Variants in NTRK2 observed in about 807,000 individuals in gnomAD.
NTRK2 encodes the protein BDNF/NT-3 growth factors receptor.
NTRK2 carries 13 observed loss-of-function variants against 94.5 expected under a neutral mutation model. The ratio of observed to expected loss-of-function variants is 0.14; its 90% confidence interval spans 0.09 to 0.22. The LOEUF is 0.22. Ranked by LOEUF, NTRK2 falls within the 10% of genes least tolerant of loss-of-function variation. The probability of loss-of-function intolerance (pLI) is 1.00; values close to 1 mark genes in which losing one functional copy is unlikely to be tolerated. For missense variants in NTRK2, 639 were observed against 1,071.2 expected (o/e 0.60, Z 5.63); for synonymous variants, 372 against 407.4 (o/e 0.91, Z 1.05).
intron 12 of NTRK2, chr9:84,812,198 A>T (rs1386149544): frequency 9.5e-7 from 1 of 1,057,326 alleles, no homozygotes; most frequent in Non-Finnish European, 1.1e-6. Flanking sequence ...ACCAGGATCC[A>T]TTTAGGTACC....
intron 12 of NTRK2, among the ~76,000 whole-genome samples, chr9:84,821,491 T>C (rs937091870): frequency 6.6e-5 from 10 of 152,160 alleles, no homozygotes; most frequent in Admixed American, 2.6e-4. Flanking sequence ...AAACTTTCCA[T>C]GTTGTATTTT....
chr9:84,990,089 A>G lies in NTRK2; in HGVS notation c.2173-30117A>G, dbSNP rs1828862996. ...CTGCCAGGCTGGTCCTGAGGATTAAATTAGATGAAATGCTTTGGAAACTGG... is the reference window on the plus strand; with the variant it reads ...CTGCCAGGCTGGTCCTGAGGATTAAGTTAGATGAAATGCTTTGGAAACTGG... On this transcript the variant is annotated intron_variant, in intron 17 of 18. Coordinates refer to ENST00000277120, the MANE Select transcript of NTRK2 (RefSeq NM_006180.6). 2.0e-5 allele frequency among the ~76,000 whole-genome samples: 3 copies of G among 152,346 alleles called. 1 individual carries two copies. The highest frequency in any genetic ancestry group is 4.1e-4 in the South Asian group (2 of 4,826).
At chr9:84,741,658 T>C (rs1040597584) in intron 9 of NTRK2, among the ~76,000 whole-genome samples, 4 of 152,224 alleles carry the variant, frequency 2.6e-5, no homozygotes, top group African/African-American at 9.6e-5. Context: ...TTGTGATCTT[T>C]TTTTGTGATT....
intron 16 of NTRK2, among the ~76,000 whole-genome samples, chr9:84,949,200 T>C (rs1019192450): frequency 2.0e-5 from 3 of 152,068 alleles, no homozygotes. Flanking sequence ...AGTGGAAAGA[T>C]CCAAATCCAA....
intron 14 of NTRK2, among the ~76,000 whole-genome samples, chr9:84,903,632 A>G (rs1236019684): frequency 6.6e-6 from 1 of 152,076 alleles, no homozygotes; most frequent in Non-Finnish European, 1.5e-5. Flanking sequence ...CTTTCTTCTG[A>G]TGTCCAATTG....
At chr9:84,698,529 T>C (rs897879204) in intron 2 of NTRK2, among the ~76,000 whole-genome samples, 2 of 152,314 alleles carry the variant, frequency 1.3e-5, no homozygotes, top group Non-Finnish European at 2.9e-5. Flanking sequence ...CTTGAGTCCA[T>C]ATGTGAGAAC....
chr9:84,678,047 A>G (rs952920371), intron 2 of NTRK2, among the ~76,000 whole-genome samples: 3 of 152,196 alleles, frequency 2.0e-5, no homozygotes, highest in Non-Finnish European at 4.4e-5. Flanking sequence ...ACACACACAC[A>G]CATAGACACA....
At chr9:85,001,735 G>T (rs1281941312) in intron 17 of NTRK2, among the ~76,000 whole-genome samples, 3 of 152,240 alleles carry the variant, frequency 2.0e-5, no homozygotes, top group African/African-American at 7.2e-5. Context: ...AGGATCTAAG[G>T]TAGTGGGCCA....
At chr9:84,724,030 T>A (rs1193258589) in intron 7 of NTRK2, among the ~76,000 whole-genome samples, 194 bp from the exon 8 acceptor site, 2 of 152,214 alleles carry the variant, frequency 1.3e-5, no homozygotes, top group East Asian at 3.8e-4. Context: ...GTCAACCTCA[T>A]GCACTTAGCA....
chr9:84,700,121 TG>T (rs1174546657), intron 2 of NTRK2, among the ~76,000 whole-genome samples: 1 of 152,208 alleles, frequency 6.6e-6, no homozygotes, highest in African/African-American at 2.4e-5. Flanking sequence ...CAGGCTTGCC[TG>T]GAAGTCTGGA....
intron 2 of NTRK2, among the ~76,000 whole-genome samples, chr9:84,699,226 C>T (rs561384483): frequency 9.2e-5 from 14 of 152,012 alleles, no homozygotes; most frequent in Admixed American, 2.6e-4. Flanking sequence ...TTAGTTGAGA[C>T]GGGGTTTCAC....
intron 6 of NTRK2, among the ~76,000 whole-genome samples, chr9:84,719,101 A>G (rs1351832574): frequency 6.6e-6 from 1 of 152,212 alleles, no homozygotes; most frequent in East Asian, 1.9e-4. Flanking sequence ...AATCATAAAT[A>G]CCACTTTATC....
At chr9:84,965,932 TG>T (rs1825504681) in intron 17 of NTRK2, among the ~76,000 whole-genome samples, 1 of 152,150 alleles carries the variant, frequency 6.6e-6, no homozygotes, top group Non-Finnish European at 1.5e-5. Context: ...TCCAAGATAT[TG>T]TTACATCAAC....
At chr9:84,882,725 C>CGCGCGCGCGCGG (rs1554762209) in intron 14 of NTRK2, among the ~76,000 whole-genome samples, 1 of 148,562 alleles carries the variant, frequency 6.7e-6, no homozygotes, top group Non-Finnish European at 1.5e-5. Flanking sequence ...TGTGTGCGCG[C>CGCGCGCGCGCGG]GCGCGCGCAT....
Position 85,026,509 on chromosome 9 carries a change from C to A in NTRK2, c.*5072C>A, listed in dbSNP as rs1278521093. ...ATTGCTTAAAAAATGTATAAAGCAG[C>A]TGGAAATGTTTTAAATACAAGGTCT... On this transcript the variant is annotated 3_prime_UTR_variant, in exon 19 of 19. Transcript: ENST00000277120. The A allele has an allele frequency of 4.3e-6, 1 of 232,338 alleles. No individual in the cohort carries two copies. Among genetic ancestry groups the A allele is most frequent in the Non-Finnish European group, 8.5e-6 (1 of 117,620 alleles). The allele number at this position is 232,338 out of a possible 1,614,324, so 14.4% of individuals were successfully genotyped here.
chr9:84,814,119 C>T, intron 12 of NTRK2: 1 of 1,065,396 alleles, frequency 9.4e-7, no homozygotes, highest in Non-Finnish European at 1.1e-6. Context: ...ATTTCTGACC[C>T]ACTAGGTTTT....
Position 84,734,120 on chromosome 9 carries a change from T to C in NTRK2, c.1159+6161T>C, listed in dbSNP as rs537318688. ...CACCTTGGAGTGTGAAGCGTGACTTTCCTTCTCCATAAAGTGTAGGGTTCT... is the reference window on the plus strand; with the variant it reads ...CACCTTGGAGTGTGAAGCGTGACTTCCCTTCTCCATAAAGTGTAGGGTTCT... On this transcript the variant is annotated intron_variant, in intron 9 of 18. Transcript: ENST00000277120. Among the ~76,000 whole-genome samples, 9 of 152,310 alleles carry C rather than the reference T, an allele frequency of 5.9e-5. No individual in the cohort carries two copies. The East Asian group carries it at 1.5e-3, about 26-fold the overall frequency.
intron 12 of NTRK2, among the ~76,000 whole-genome samples, chr9:84,803,102 A>G (rs920769379): frequency 3.3e-5 from 5 of 152,176 alleles, no homozygotes; most frequent in African/African-American, 1.2e-4. Context: ...GCTTCCCCAG[A>G]TACCAACAGA....
In NTRK2 at chr9:84,730,783, C is replaced by CAAAA; in HGVS notation, c.1159+2846_1159+2849dup. 7.5e-4 allele frequency among the ~76,000 whole-genome samples: 18 copies of CAAAA among 24,140 alleles called. 1 individual carries two copies. The highest frequency in any genetic ancestry group is 3.0e-3 in the African/African-American group (17 of 5,640). The allele number at this position is 24,140 out of a possible 152,430, so 15.8% of individuals were successfully genotyped here. A position where few individuals can be genotyped will look rare whatever the true frequency, so the allele number is the denominator to read the frequency against. On this transcript the variant is annotated intron_variant, in intron 9 of 18. Coordinates refer to ENST00000277120, the MANE Select transcript of NTRK2 (RefSeq NM_006180.6). ...AAACTAAAGAAAAATAAACAAATAG[C>CAAAA]AAAAAAAAAAAAAAAAAAAAAAAAA...
Sources: gnomAD v4.1 joint callset for allele counts (sites outside exome capture counted in the v4.1 genomes callset) on GRCh38, gnomAD v4.1.1 for gene constraint, MANE v1.5 for transcripts, NCBI Gene and HGNC (gene_info 2026-07-23, HGNC 2026-07-21) for gene names.